The following PITPNC1 variants were observed in gnomAD, a reference collection of about 807,000 sequenced individuals.
The protein encoded by PITPNC1 is cytoplasmic phosphatidylinositol transfer protein 1.
Under a neutral mutation model 44.7 loss-of-function variants are expected in PITPNC1, and 18 were observed. The observed-to-expected ratio is 0.40, with a 90% CI of 0.28 to 0.60. The LOEUF (loss-of-function observed/expected upper bound fraction) is 0.60, where lower values mean the gene tolerates loss of function less well. PITPNC1 is among the 20% of genes least tolerant of loss of function. The pLI, the probability that PITPNC1 is intolerant of heterozygous loss-of-function variation, is 0.39. For missense variants in PITPNC1, 290 were observed against 418.4 expected, an observed-to-expected ratio of 0.69 and a Z score of 2.68; for synonymous variants, 141 against 149.6, an observed-to-expected ratio of 0.94 and a Z score of 0.42.
At chr17:67,520,486 G>A (rs2040311020) in intron 1 of PITPNC1, among the ~76,000 whole-genome samples, 1 of 152,152 alleles carries the variant, frequency 6.6e-6, no homozygotes, top group South Asian at 2.1e-4. Context: ...CTGGCAAATC[G>A]TTTGAGAGCT....
chr17:67,478,097 T>A (rs545305376), intron 1 of PITPNC1, among the ~76,000 whole-genome samples: 130 of 152,268 alleles, frequency 8.5e-4, no homozygotes, highest in Non-Finnish European at 1.3e-3. Context: ...CAGTGCCTTT[T>A]CCTCTTTCTT....
intron 1 of PITPNC1, among the ~76,000 whole-genome samples, chr17:67,489,152 T>C (rs2039825331): frequency 6.6e-6 from 1 of 152,192 alleles, no homozygotes; most frequent in South Asian, 2.1e-4. Flanking sequence ...AGACTCCTTT[T>C]TTAAAAAAGA....
At position 67,455,116 on chromosome 17, in the gene PITPNC1, C is replaced by T. The variant is rs1370102027; in HGVS notation, c.48+76914C>T. Among the ~76,000 whole-genome samples the T allele has an allele frequency of 2.0e-5, 3 of 152,156 alleles. No homozygotes were observed. The East Asian group carries it at 5.8e-4, about 29-fold the overall frequency. ...GTTAACAGGTGTGAGCCTCTGTACCCAGCCTACACATATTTCAAAGTAAAA... is the reference window on the plus strand; with the variant it reads ...GTTAACAGGTGTGAGCCTCTGTACCTAGCCTACACATATTTCAAAGTAAAA... On this transcript the variant is annotated intron_variant, in intron 1 of 8. Transcript: ENST00000581322.
intron 8 of PITPNC1, among the ~76,000 whole-genome samples, chr17:67,684,251 T>C (rs1375780287): frequency 6.6e-6 from 1 of 151,554 alleles, no homozygotes; most frequent in Non-Finnish European, 1.5e-5. Context: ...AGCTGGGGGT[T>C]ACGGGTGTGT....
At chr17:67,487,394 C>T (rs2039795590) in intron 1 of PITPNC1, among the ~76,000 whole-genome samples, 1 of 152,118 alleles carries the variant, frequency 6.6e-6, no homozygotes. Context: ...AGGCTGATCT[C>T]GAACTCCTGG....
chr17:67,430,579 G>A (rs1272518097), intron 1 of PITPNC1, among the ~76,000 whole-genome samples: 1 of 151,992 alleles, frequency 6.6e-6, no homozygotes, highest in Non-Finnish European at 1.5e-5. Context: ...ATGCTCTAGA[G>A]GGTGGAAGCG....
intron 6 of PITPNC1, among the ~76,000 whole-genome samples, chr17:67,647,466 T>TG (rs2042162871): frequency 3.1e-5 from 2 of 63,732 alleles, no homozygotes; most frequent in Non-Finnish European, 5.3e-5. Context: ...AATTTTGGGT[T>TG]TTTTTTTTTT....
chr17:67,381,622 G>T (rs1166041469), intron 1 of PITPNC1, among the ~76,000 whole-genome samples: 1 of 151,784 alleles, frequency 6.6e-6, no homozygotes, highest in African/African-American at 2.4e-5. Flanking sequence ...GCCAGCCACC[G>T]CACCCTGCTA....
chr17:67,512,273 C>T (rs2040194478), intron 1 of PITPNC1, among the ~76,000 whole-genome samples: 2 of 152,192 alleles, frequency 1.3e-5, no homozygotes, highest in East Asian at 1.9e-4. Flanking sequence ...CCCAGGCGGG[C>T]GGATCATTTG....
intron 4 of PITPNC1, among the ~76,000 whole-genome samples, chr17:67,557,321 C>G (rs934057105): frequency 5.3e-5 from 8 of 152,140 alleles, no homozygotes; most frequent in Non-Finnish European, 8.8e-5. Context: ...CACCATTGCA[C>G]TGGGGATTAC....
intron 5 of PITPNC1, among the ~76,000 whole-genome samples, chr17:67,589,430 C>T (rs762605837): frequency 5.4e-4 from 82 of 152,180 alleles, no homozygotes; most frequent in Non-Finnish European, 1.9e-4. Flanking sequence ...CCTGCCTCCT[C>T]TGATGTGCTA....
chr17:67,490,530 C>T (rs953413953), intron 1 of PITPNC1, among the ~76,000 whole-genome samples: 1 of 152,022 alleles, frequency 6.6e-6, no homozygotes, highest in Admixed American at 6.6e-5. Context: ...AGAGAGCCCC[C>T]GGGTGTGAAC....
chr17:67,467,242 T>C (rs1217303068), intron 1 of PITPNC1, among the ~76,000 whole-genome samples: 2 of 151,882 alleles, frequency 1.3e-5, no homozygotes, highest in African/African-American at 4.8e-5. Context: ...TTAGTAGAGA[T>C]GGGGTTTCAC....
intron 5 of PITPNC1, among the ~76,000 whole-genome samples, chr17:67,590,488 G>A (rs2041375447): frequency 6.6e-6 from 1 of 151,858 alleles, no homozygotes; most frequent in South Asian, 2.1e-4. Flanking sequence ...ACAACCCTAG[G>A]GCCTACCTGT....
intron 1 of PITPNC1, among the ~76,000 whole-genome samples, chr17:67,423,506 G>A (rs1159475001): frequency 2.0e-5 from 3 of 152,144 alleles, no homozygotes; most frequent in Non-Finnish European, 4.4e-5. Flanking sequence ...CTGATTACTA[G>A]TATTTTCAAC....
At position 67,418,718 on chromosome 17, in the gene PITPNC1, G is replaced by A. The variant is rs533240873; in HGVS notation, c.48+40516G>A. ...TGGAATTACAGGCCCCCACCATCAC[G>A]CCAGGCTAATTTTTGTATTTTTAGT... On this transcript the variant is annotated intron_variant, in intron 1 of 8. Coordinates refer to ENST00000581322, the MANE Select transcript of PITPNC1 (RefSeq NM_012417.4). Among the ~76,000 whole-genome samples the A allele has an allele frequency of 3.3e-5, 5 of 151,966 alleles. No individual in the cohort carries two copies. The East Asian group carries it at 5.8e-4, about 18-fold the overall frequency.
At chr17:67,663,843 C>T (rs1199993171) in intron 6 of PITPNC1, among the ~76,000 whole-genome samples, 1 of 152,148 alleles carries the variant, frequency 6.6e-6, no homozygotes, top group Non-Finnish European at 1.5e-5. Flanking sequence ...ATGACATGGC[C>T]GCTTCTTATG....
intron 1 of PITPNC1, among the ~76,000 whole-genome samples, chr17:67,458,845 T>C (rs1010926313): frequency 6.6e-6 from 1 of 152,184 alleles, no homozygotes; most frequent in Non-Finnish European, 1.5e-5. Context: ...CATTGCTTCT[T>C]CTAGAGATCT....
chr17:67,432,841 C>A (rs909057290), intron 1 of PITPNC1, among the ~76,000 whole-genome samples: 7 of 152,160 alleles, frequency 4.6e-5, no homozygotes, highest in African/African-American at 1.7e-4. Flanking sequence ...AAGCATTCAG[C>A]TTACCACTGT....
Sources: allele counts gnomAD v4.1 joint callset (sites outside exome capture counted in the v4.1 genomes callset), GRCh38; gene constraint gnomAD v4.1.1; transcripts MANE v1.5; gene names NCBI Gene and HGNC (gene_info 2026-07-23, HGNC 2026-07-21).